CFAP44: variants seen among roughly 807,000 people sequenced by gnomAD.
The protein encoded by CFAP44 is cilia- and flagella-associated protein 44.
A neutral mutation model predicts 216.2 loss-of-function variants in CFAP44; 134 were observed. That is an observed-to-expected ratio of 0.62 (90% CI 0.54 to 0.72). CFAP44 has a LOEUF of 0.72. Ranked by LOEUF, CFAP44 falls within the 30% of genes least tolerant of loss-of-function variation. The pLI is 0.00. For synonymous variants in CFAP44, 700 were observed against 727.6 expected, an observed-to-expected ratio of 0.96 and a Z score of 0.61; for missense variants, 2,035 against 2,182.1, an observed-to-expected ratio of 0.93 and a Z score of 1.34.
At chr3:113,427,850 T>C (rs10934229) in intron 2 of CFAP44, among the ~76,000 whole-genome samples, 26,649 of 151,788 alleles carry the variant, frequency 0.18, 3,040 homozygotes, top group East Asian at 0.42. Flanking sequence ...AGTGCAAACA[T>C]GAGGATGGTT....
At chr3:113,366,699 T>C (rs78750904) in intron 18 of CFAP44, among the ~76,000 whole-genome samples, 5 of 152,254 alleles carry the variant, frequency 3.3e-5, no homozygotes, top group Non-Finnish European at 5.9e-5. Context: ...ATTCATCTCA[T>C]TGGGACTGGT....
intron 6 of CFAP44, among the ~76,000 whole-genome samples, chr3:113,409,872 T>C (rs1934405321): frequency 6.6e-6 from 1 of 152,226 alleles, no homozygotes; most frequent in Non-Finnish European, 1.5e-5. Flanking sequence ...CTAATTATAA[T>C]GCATTAATAT....
At chr3:113,341,401 G>A (rs777535398) in intron 24 of CFAP44, among the ~76,000 whole-genome samples, 3 of 151,974 alleles carry the variant, frequency 2.0e-5, no homozygotes, top group Non-Finnish European at 2.9e-5. Flanking sequence ...ATAAAGGTAC[G>A]AGCCAAAACT....
chr3:113,344,737 C>T, intron 22 of CFAP44, 25 bp from the exon 23 acceptor site: 1 of 1,476,110 alleles, frequency 6.8e-7, no homozygotes, highest in South Asian at 1.4e-5. Flanking sequence ...CAAGTATTTG[C>T]AGTAGTCACC....
intron 5 of CFAP44, among the ~76,000 whole-genome samples, chr3:113,418,643 T>C (rs1244247916): frequency 1.3e-5 from 2 of 152,092 alleles, no homozygotes; most frequent in East Asian, 1.9e-4. Flanking sequence ...AAAGGCCTTG[T>C]GGACATAAAA....
rs759624707 is a variant in CFAP44, at chr3:113,396,627, C to T, written c.1670G>A (p.Arg557Gln). The T allele has an allele frequency of 1.3e-5, 21 of 1,613,878 alleles. No individual in the cohort carries two copies. Among genetic ancestry groups the T allele is most frequent in the East Asian group, 8.9e-5 (4 of 44,874 alleles). ...DPKGLTIFAG[R>Q]KKILDADIQL... ...AATATCAGCATCCAAAATTTTCTTCCGTCCCGCAAAAATCGTGAGCCCTTT... is the reference window on the plus strand; with the variant it reads ...AATATCAGCATCCAAAATTTTCTTCTGTCCCGCAAAAATCGTGAGCCCTTT... Residue 557 changes from arginine (R) to glutamine (Q), a missense_variant, in exon 14 of 35, where the codon CGG becomes CAG. Arg to Gln is a conservative substitution (Grantham distance 43, BLOSUM62 1). Around this residue, in one of 3 missense-constraint regions of CFAP44, gnomAD observed 1,883 missense variants for 2,023.7 expected, o/e 0.93. Coordinates refer to ENST00000393845, the MANE Select transcript of CFAP44 (RefSeq NM_001164496.2).
rs1933998430 is a variant in CFAP44 at position 113,396,647 on chromosome 3, C to A, written c.1650G>T (p.Gly550=). 16 of 1,613,946 alleles carry A rather than the reference C, an allele frequency of 9.9e-6. No individual in the cohort carries two copies. In the East Asian group the frequency reaches 3.6e-4, roughly 36 times the overall value. ...TCTTCCGTCCCGCAAAAATCGTGAG[C>A]CCTTTTGGATCATAAAGTTCAAGAA... is the stretch of plus-strand genomic sequence containing the variant. ...VRILELYDPK[G]LTIFAGRKKI... is the part of the protein sequence containing the mutation. The change falls in exon 14 of 35, where the codon GGG becomes GGT. Residue 550 remains glycine (G), a synonymous_variant. Transcript: ENST00000393845.
rs138874152 is a variant in CFAP44 at position 113,371,180 on chromosome 3, C to T, written c.2444+2231G>A. On this transcript the variant is annotated intron_variant, in intron 18 of 34. Coordinates refer to ENST00000393845, the MANE Select transcript of CFAP44 (RefSeq NM_001164496.2). ...CCAAGGTAATTCATAGATTCAATGC[C>T]ATCCCCATCAAGCTACCAATGACTT... Among the ~76,000 whole-genome samples the T allele has an allele frequency of 6.0e-3, 911 of 152,178 alleles. 9 individuals carry two copies. Among genetic ancestry groups the T allele is most frequent in the Non-Finnish European group, 0.011 (717 of 67,982 alleles).
At chr3:113,350,655 T>G (rs1950435884) in intron 22 of CFAP44, among the ~76,000 whole-genome samples, 1 of 152,194 alleles carries the variant, frequency 6.6e-6, no homozygotes, top group African/African-American at 2.4e-5. Context: ...CTATCAGAGA[T>G]CCTTGGCCCA....
chr3:113,424,257 G>A (rs911919706), intron 4 of CFAP44, among the ~76,000 whole-genome samples: 15 of 152,154 alleles, frequency 9.9e-5, no homozygotes, highest in Admixed American at 7.2e-4. Context: ...CCATTATGGT[G>A]AAACCCAATC....
At chr3:113,407,069 C>T (rs1296662028) in intron 7 of CFAP44, 28 bp from the exon 8 acceptor site, 4 of 1,506,120 alleles carry the variant, frequency 2.7e-6, no homozygotes, top group African/African-American at 2.8e-5. Flanking sequence ...ACTGAATGTA[C>T]CTCAAAGATA....
chr3:113,379,160 C>T, intron 17 of CFAP44, 146 bp downstream of exon 17: 1 of 604,770 alleles, frequency 1.7e-6, no homozygotes, highest in Non-Finnish European at 2.5e-6. Context: ...AAACTCACGA[C>T]TTCAATAGTA....
chr3:113,374,849 T>C lies in CFAP44; in HGVS notation c.2299-1293A>G, dbSNP rs571013714. On this transcript the variant is annotated intron_variant, in intron 17 of 34. Transcript: ENST00000393845. ...TGCGGTTTTGCCATGTTGGCCAGGC[T>C]GGTCTGGAACTCCTGGCCTCAAGTG... Among the ~76,000 whole-genome samples, 243 of 152,296 alleles carry C rather than the reference T, an allele frequency of 1.6e-3. 1 individual carries two copies. Among genetic ancestry groups the C allele is most frequent in the African/African-American group, 5.4e-3 (226 of 41,570 alleles).
chr3:113,292,777 C>G lies in CFAP44; in HGVS notation c.5374-1029G>C, dbSNP rs141191312. Among the ~76,000 whole-genome samples, 518 of 152,358 alleles carry G rather than the reference C, an allele frequency of 3.4e-3. 4 individuals carry two copies. Among genetic ancestry groups the G allele is most frequent in the African/African-American group, 0.011 (475 of 41,584 alleles). ...GTAAGGGTTACCCAACACCCTCTGC[C>G]TCTTCTCCCTTGCTCACTTTTATTT... On this transcript the variant is annotated intron_variant, in intron 34 of 34. Transcript: ENST00000393845.
At chr3:113,388,225 G>C (rs1324443867) in intron 15 of CFAP44, among the ~76,000 whole-genome samples, 1 of 152,128 alleles carries the variant, frequency 6.6e-6, no homozygotes, top group Non-Finnish European at 1.5e-5. Flanking sequence ...CACAGGCCTT[G>C]GGCAAGACTC....
chr3:113,420,420 A>G (rs537694266), intron 4 of CFAP44, among the ~76,000 whole-genome samples: 3 of 152,294 alleles, frequency 2.0e-5, no homozygotes, highest in African/African-American at 7.2e-5. Flanking sequence ...AAATCAGGTG[A>G]CTATCCCCAT....
At chr3:113,430,328 G>C (rs1037398487) in intron 2 of CFAP44, among the ~76,000 whole-genome samples, 5 of 150,564 alleles carry the variant, frequency 3.3e-5, no homozygotes, top group African/African-American at 1.2e-4. Context: ...AGCAGTCCTT[G>C]GAAGGAAATT....
chr3:113,373,734 T>C (rs1375372528), intron 17 of CFAP44, among the ~76,000 whole-genome samples, 178 bp from the exon 18 acceptor site: 1 of 152,212 alleles, frequency 6.6e-6, no homozygotes, highest in African/African-American at 2.4e-5. Flanking sequence ...CCTTTATCCA[T>C]TTATACACAA....
In CFAP44 at chr3:113,394,072, T is replaced by C. The variant is rs373165787; in HGVS notation, c.1890+1678A>G. Among the ~76,000 whole-genome samples, 4 of 152,358 alleles carry C rather than the reference T, an allele frequency of 2.6e-5. 1 individual carries two copies. The highest frequency in any genetic ancestry group is 1.9e-4 in the East Asian group (1 of 5,186). On this transcript the variant is annotated intron_variant, in intron 15 of 34. Transcript: ENST00000393845. The stretch of plus-strand genomic sequence containing the variant: ...GAAATAAGTATAGATTTACAGGAAG[T>C]TGAAAAGATAGTACAGAGAGGTATC...
Sources: gnomAD v4.1 joint callset for allele counts (sites outside exome capture counted in the v4.1 genomes callset) on GRCh38, gnomAD v4.1.1 for gene constraint, gnomAD v4.1.1 regional missense constraint, MANE v1.5 for transcripts, NCBI Gene and HGNC (gene_info 2026-07-23, HGNC 2026-07-21) for gene names.